MYO16: variants seen among roughly 807,000 people sequenced by gnomAD.
MYO16 encodes myosin XVI, also known as unconventional myosin-XVI.
A neutral mutation model predicts 205.3 loss-of-function variants in MYO16; 94 were observed. The observed-to-expected ratio is 0.46, with a 90% confidence interval of 0.39 to 0.54. The LOEUF is 0.54. Ranked by LOEUF, MYO16 falls within the 20% of genes least tolerant of loss-of-function variation. The pLI is 0.00. For synonymous variants in MYO16, 988 were observed against 954.0 expected, an observed-to-expected ratio of 1.04 and a Z score of -0.66; for missense variants, 2,315 against 2,387.5, an observed-to-expected ratio of 0.97 and a Z score of 0.63.
intron 10 of MYO16, among the ~76,000 whole-genome samples, chr13:108,851,248 C>A (rs1191566870): frequency 1.3e-5 from 2 of 152,100 alleles, no homozygotes; most frequent in African/African-American, 4.8e-5. Context: ...AAATTATGTA[C>A]ATGTATGAAT....
chr13:109,054,888 C>T (rs972725532), intron 25 of MYO16, among the ~76,000 whole-genome samples, 158 bp from the exon 26 acceptor site: 9 of 150,356 alleles, frequency 6.0e-5, no homozygotes, highest in Non-Finnish European at 7.4e-5. Flanking sequence ...GTCTTCTTTC[C>T]TTCCTTTCTT....
In MYO16 at chr13:109,009,127, G is replaced by C. The variant is rs1235592879; in HGVS notation, c.2595+78G>C. ...CTGGAGACAAAGAATTTTCTTTCAG[G>C]ACGCCTTATTTTTGAGATATCTTTA... is the stretch of plus-strand genomic sequence containing the variant. On this transcript the variant is annotated intron_variant, in intron 22 of 34. Transcript: ENST00000457511. 8 of 1,222,928 alleles carry C rather than the reference G, an allele frequency of 6.5e-6. No individual in the cohort carries two copies. In the East Asian group the frequency reaches 1.6e-4, roughly 24 times the overall value. The allele number at this position is 1,222,928 out of a possible 1,614,324, so 75.8% of individuals were successfully genotyped here.
At chr13:108,856,607 A>T (rs1023186595) in intron 11 of MYO16, among the ~76,000 whole-genome samples, 1 of 150,930 alleles carries the variant, frequency 6.6e-6, no homozygotes, top group African/African-American at 2.4e-5. Context: ...TTTTTATAAC[A>T]TTTTTTCATC....
chr13:108,565,055 A>G, the MYO16 span, among the ~76,000 whole-genome samples: 3 of 152,104 alleles, frequency 2.0e-5, no homozygotes, highest in African/African-American at 7.2e-5. Flanking sequence ...TTATGATGCC[A>G]TTGTAGTATA....
chr13:108,928,616 G>A (rs1423977005), intron 16 of MYO16, among the ~76,000 whole-genome samples: 1 of 152,120 alleles, frequency 6.6e-6, no homozygotes, highest in Non-Finnish European at 1.5e-5. Context: ...GGAGTCGTTT[G>A]TTAGGTAAAA....
At position 108,939,291 on chromosome 13, in the gene MYO16, C is replaced by T. The variant is rs117848521; in HGVS notation, c.1926-18397C>T. ...GTAACTCCCCGAGTTAACTTCAGGG[C>T]TTGGGAAAAACAAAGTGCTCTCCCT... is the stretch of plus-strand genomic sequence containing the variant. On this transcript the variant is annotated intron_variant, in intron 16 of 34. Coordinates refer to ENST00000457511, the MANE Select transcript of MYO16 (RefSeq NM_001198950.3). Among the ~76,000 whole-genome samples the T allele has an allele frequency of 1.6e-4, 25 of 152,286 alleles. No homozygotes were observed. In the East Asian group the frequency reaches 3.7e-3, roughly 22 times the overall value.
intron 5 of MYO16, among the ~76,000 whole-genome samples, chr13:108,788,120 C>G (rs747802902): frequency 3.9e-5 from 6 of 152,106 alleles, no homozygotes; most frequent in Non-Finnish European, 5.9e-5. Flanking sequence ...TTAGAATTTT[C>G]ATTTTGCGTT....
intron 2 of MYO16, among the ~76,000 whole-genome samples, chr13:108,674,001 A>C (rs971380244): frequency 6.6e-6 from 1 of 152,138 alleles, no homozygotes; most frequent in Non-Finnish European, 1.5e-5. Flanking sequence ...GGACATATCA[A>C]CTGTCTGCGT....
At chr13:108,734,296 T>C (rs1884620745) in intron 4 of MYO16, among the ~76,000 whole-genome samples, 2 of 152,152 alleles carry the variant, frequency 1.3e-5, no homozygotes, top group Non-Finnish European at 2.9e-5. Flanking sequence ...CCCTGTTATA[T>C]ATCATACATT....
At chr13:108,657,432 C>T (rs1043684083) in intron 1 of MYO16, among the ~76,000 whole-genome samples, 21 of 151,966 alleles carry the variant, frequency 1.4e-4, no homozygotes, top group African/African-American at 4.6e-4. Context: ...TTAATGAATG[C>T]TATACTATTT....
chr13:109,046,778 A>T, intron 23 of MYO16, 138 bp from the exon 24 acceptor site: 1 of 664,340 alleles, frequency 1.5e-6, no homozygotes, highest in Non-Finnish European at 2.6e-6. Context: ...ACTTGCATGT[A>T]ACGTGAACTG....
chr13:108,766,455 G>T (rs752797767), intron 4 of MYO16, among the ~76,000 whole-genome samples: 5 of 152,226 alleles, frequency 3.3e-5, no homozygotes, highest in African/African-American at 4.8e-5. Context: ...TGGGAAAAGA[G>T]ATAGCAGTTC....
intron 27 of MYO16, among the ~76,000 whole-genome samples, chr13:109,067,514 G>T (rs1388544245): frequency 6.6e-6 from 1 of 152,192 alleles, no homozygotes; most frequent in African/African-American, 2.4e-5. Context: ...TTCCAAAGTA[G>T]TTGTTGGTTC....
intron 32 of MYO16, among the ~76,000 whole-genome samples, chr13:109,144,627 C>A (rs2139816700): frequency 6.6e-6 from 1 of 152,172 alleles, no homozygotes; most frequent in African/African-American, 2.4e-5. Context: ...TTATTTTCAC[C>A]GTGAAATAGC....
chr13:108,682,254 T>C (rs1882491782), intron 2 of MYO16, among the ~76,000 whole-genome samples: 1 of 152,190 alleles, frequency 6.6e-6, no homozygotes, highest in Non-Finnish European at 1.5e-5. Context: ...TTGAGAAACA[T>C]GATGAATATG....
chr13:108,849,778 G>A (rs111411473), intron 10 of MYO16, among the ~76,000 whole-genome samples: 2,888 of 139,764 alleles, frequency 0.021, 41 homozygotes, highest in Non-Finnish European at 0.033. Context: ...CCCCTAGACT[G>A]CCTTCCTCCA....
At chr13:109,205,298 C>T (rs1237171322) in intron 34 of MYO16, among the ~76,000 whole-genome samples, 1 of 152,122 alleles carries the variant, frequency 6.6e-6, no homozygotes, top group South Asian at 2.1e-4. Context: ...TTGATCCCAG[C>T]CTTTAAAATC....
chr13:108,778,948 C>T (rs936437229), intron 4 of MYO16, among the ~76,000 whole-genome samples: 4 of 152,138 alleles, frequency 2.6e-5, no homozygotes, highest in East Asian at 3.9e-4. Flanking sequence ...GTAAGACTTC[C>T]ACTGCACTCG....
intron 9 of MYO16, among the ~76,000 whole-genome samples, chr13:108,839,533 A>G (rs1877121345): frequency 6.6e-6 from 1 of 152,214 alleles, no homozygotes; most frequent in Admixed American, 6.5e-5. Flanking sequence ...GTAGATAGCT[A>G]CATAGACAAC....
Sources: gnomAD v4.1 joint callset for allele counts (sites outside exome capture counted in the v4.1 genomes callset) on GRCh38, gnomAD v4.1.1 for gene constraint, MANE v1.5 for transcripts, NCBI Gene and HGNC (gene_info 2026-07-23, HGNC 2026-07-21) for gene names.